Variants in PRR16 observed in about 807,000 individuals in gnomAD.
The protein encoded by PRR16 is proline rich 16.
A neutral mutation model predicts 18.2 loss-of-function variants in PRR16; 6 were observed. The ratio of observed to expected loss-of-function variants is 0.33; its 90% CI spans 0.18 to 0.65. PRR16 has a LOEUF of 0.65. Among genes scored for constraint, PRR16 ranks in the 30% least tolerant of loss-of-function variants. PRR16 has a pLI of 0.74. For synonymous variants in PRR16, 151 were observed against 147.8 expected (o/e 1.02, Z -0.16); for missense variants, 412 against 376.6 (o/e 1.09, Z -0.78).
chr5:120,540,137 G>C (rs1751863569), intron 1 of PRR16, among the ~76,000 whole-genome samples: 1 of 152,024 alleles, frequency 6.6e-6, no homozygotes, highest in Admixed American at 6.5e-5. Flanking sequence ...ACAGTGTTTT[G>C]TTTTATTTTA....
chr5:120,740,996 TA>T, the PRR16 span, among the ~76,000 whole-genome samples: 781 of 152,176 alleles, frequency 5.1e-3, 7 homozygotes, highest in African/African-American at 0.018. Context: ...TCAATGTATT[TA>T]ATTTTTCTTT....
At chr5:120,720,010 T>C in the PRR16 span, among the ~76,000 whole-genome samples, 3 of 152,000 alleles carry the variant, frequency 2.0e-5, no homozygotes, top group African/African-American at 7.2e-5. Context: ...CCCCTGCACA[T>C]AGTGGAAGGT....
chr5:120,690,644 T>G (rs1347086885), downstream of PRR16, among the ~76,000 whole-genome samples: 1 of 152,198 alleles, frequency 6.6e-6, no homozygotes, highest in African/African-American at 2.4e-5. Context: ...TCTGGGTCAA[T>G]GTGTAACTGT....
intron 1 of PRR16, among the ~76,000 whole-genome samples, chr5:120,478,542 C>T (rs193217200): frequency 1.3e-5 from 2 of 152,030 alleles, no homozygotes; most frequent in African/African-American, 4.8e-5. Context: ...GTCCTGACAC[C>T]TCTCACCTCC....
At chr5:120,511,281 T>A (rs1750816503) in intron 1 of PRR16, among the ~76,000 whole-genome samples, 1 of 152,174 alleles carries the variant, frequency 6.6e-6, no homozygotes, top group South Asian at 2.1e-4. Context: ...GTTTTGTCTG[T>A]CACTGGGACC....
the PRR16 span, among the ~76,000 whole-genome samples, chr5:120,749,122 G>A: frequency 6.6e-6 from 1 of 151,818 alleles, no homozygotes; most frequent in African/African-American, 2.4e-5. Flanking sequence ...AACATATAAT[G>A]CATATATCTA....
the PRR16 span, among the ~76,000 whole-genome samples, chr5:120,786,955 CCTA>C: frequency 6.6e-6 from 1 of 152,016 alleles, no homozygotes; most frequent in South Asian, 2.1e-4. Flanking sequence ...AAAACTTTGA[CCTA>C]TTCCATCCAA....
At chr5:120,708,720 C>A in the PRR16 span, among the ~76,000 whole-genome samples, 1 of 151,926 alleles carries the variant, frequency 6.6e-6, no homozygotes, top group Non-Finnish European at 1.5e-5. Context: ...CCAAAGGAGA[C>A]CAGAATTAAA....
At chr5:120,559,754 A>G (rs1315613080) in intron 1 of PRR16, among the ~76,000 whole-genome samples, 2 of 151,904 alleles carry the variant, frequency 1.3e-5, no homozygotes, top group African/African-American at 4.8e-5. Flanking sequence ...TAGTATGAAC[A>G]TTTTAACATT....
the PRR16 span, among the ~76,000 whole-genome samples, chr5:120,695,281 T>A: frequency 6.6e-6 from 1 of 152,060 alleles, no homozygotes; most frequent in Non-Finnish European, 1.5e-5. Flanking sequence ...ATAAAACAGA[T>A]TTTTTTTCTA....
chr5:120,532,901 A>G (rs1751596328), intron 1 of PRR16, among the ~76,000 whole-genome samples: 1 of 152,194 alleles, frequency 6.6e-6, no homozygotes, highest in Admixed American at 6.5e-5. Flanking sequence ...TCTCTATACA[A>G]ATAAAATGAA....
At chr5:120,582,208 A>C (rs907388721) in intron 1 of PRR16, among the ~76,000 whole-genome samples, 2 of 152,162 alleles carry the variant, frequency 1.3e-5, no homozygotes, top group Non-Finnish European at 2.9e-5. Flanking sequence ...CAGAAACAGA[A>C]AATGAAATAC....
chr5:120,775,178 A>G, the PRR16 span, among the ~76,000 whole-genome samples: 3 of 152,172 alleles, frequency 2.0e-5, no homozygotes, highest in Non-Finnish European at 2.9e-5. Flanking sequence ...TTTAACCAAC[A>G]TGTTGAAAAT....
the PRR16 span, among the ~76,000 whole-genome samples, chr5:120,753,552 T>G: frequency 6.6e-6 from 1 of 151,626 alleles, no homozygotes; most frequent in South Asian, 2.1e-4. Flanking sequence ...GTGTTTATTT[T>G]TTATTAAAAT....
intron 1 of PRR16, among the ~76,000 whole-genome samples, chr5:120,662,778 GC>G (rs929134053): frequency 6.6e-6 from 1 of 152,056 alleles, no homozygotes; most frequent in African/African-American, 2.4e-5. Flanking sequence ...CCTAGGCAAG[GC>G]CCAGCACGAA....
chr5:120,677,399 C>A (rs1756833575), intron 1 of PRR16, among the ~76,000 whole-genome samples: 1 of 152,124 alleles, frequency 6.6e-6, no homozygotes, highest in African/African-American at 2.4e-5. Context: ...GGACACAGTT[C>A]TTTTACCGAC....
chr5:120,761,411 A>G, the PRR16 span, among the ~76,000 whole-genome samples: 259 of 152,234 alleles, frequency 1.7e-3, 2 homozygotes, highest in African/African-American at 6.0e-3. Context: ...AACTACCCCT[A>G]GACTATATCT....
intron 1 of PRR16, chr5:120,481,171 G>A (rs1264195739): frequency 9.9e-7 from 1 of 1,010,264 alleles, no homozygotes; most frequent in African/African-American, 1.7e-5. Flanking sequence ...TTTTGGAGAT[G>A]AAGTCCCACT....
intron 1 of PRR16, among the ~76,000 whole-genome samples, chr5:120,484,583 A>G (rs921265012): frequency 6.8e-6 from 1 of 146,132 alleles, no homozygotes; most frequent in African/African-American, 2.5e-5. Flanking sequence ...ATTCATTTAT[A>G]TATAGTATAT....
Sources: allele counts gnomAD v4.1 joint callset (sites outside exome capture counted in the v4.1 genomes callset), GRCh38; gene constraint gnomAD v4.1.1; transcripts MANE v1.5; gene names NCBI Gene and HGNC (gene_info 2026-07-23, HGNC 2026-07-21).